Variants in NSUN7 observed in about 807,000 individuals in gnomAD.
The protein encoded by NSUN7 is NOP2/Sun RNA methyltransferase family member 7, also known as protein NSUN7.
Under a neutral mutation model 58.5 loss-of-function variants are expected in NSUN7, and 39 were observed. The ratio of observed to expected loss-of-function variants is 0.67; its 90% confidence interval spans 0.52 to 0.87. The LOEUF (loss-of-function observed/expected upper bound fraction) is 0.87, where lower values mean the gene tolerates loss of function less well. Ranked by LOEUF, NSUN7 falls within the 40% of genes least tolerant of loss-of-function variation. The pLI is 0.00. For synonymous variants in NSUN7, 278 were observed against 303.7 expected (o/e 0.92, Z 0.88); for missense variants, 765 against 844.1 (o/e 0.91, Z 1.16).
At chr4:40,764,513 T>C (rs1741617607) in intron 4 of NSUN7, among the ~76,000 whole-genome samples, 2 of 152,138 alleles carry the variant, frequency 1.3e-5, no homozygotes, top group Non-Finnish European at 2.9e-5. Context: ...AAGTCTTTGC[T>C]ATTGTGAATA....
chr4:40,782,131 A>G (rs929576733), intron 7 of NSUN7, among the ~76,000 whole-genome samples: 6 of 152,224 alleles, frequency 3.9e-5, no homozygotes, highest in Admixed American at 3.9e-4. Context: ...AAACGAATAT[A>G]TAAAAATCTA....
At chr4:40,804,304 G>T (rs1743726545) in intron 10 of NSUN7, among the ~76,000 whole-genome samples, 1 of 152,058 alleles carries the variant, frequency 6.6e-6, no homozygotes, top group Non-Finnish European at 1.5e-5. Context: ...GCCAGGCGTG[G>T]TGTCAGGCGC....
At chr4:40,778,486 T>A (rs1330481168) in intron 7 of NSUN7, among the ~76,000 whole-genome samples, 1 of 152,182 alleles carries the variant, frequency 6.6e-6, no homozygotes, top group Non-Finnish European at 1.5e-5. Flanking sequence ...TGAATGGGAT[T>A]AGTGCCGTTA....
At chr4:40,797,955 A>ACTGG (rs1324798997) in intron 9 of NSUN7, among the ~76,000 whole-genome samples, 1 of 152,146 alleles carries the variant, frequency 6.6e-6, no homozygotes, top group Non-Finnish European at 1.5e-5. Context: ...AGGCCTTTAC[A>ACTGG]CTGGCTGTTC....
intron 4 of NSUN7, among the ~76,000 whole-genome samples, chr4:40,770,346 A>G (rs537363145): frequency 6.6e-6 from 1 of 152,288 alleles, no homozygotes; most frequent in African/African-American, 2.4e-5. Context: ...AGATGGTATA[A>G]CCTACTGCAC....
At chr4:40,798,967 A>G in intron 10 of NSUN7, 63 bp downstream of exon 10, 1 of 776,432 alleles carries the variant, frequency 1.3e-6, no homozygotes, top group Non-Finnish European at 2.0e-6. Context: ...GAAAAATATT[A>G]TTTTCTAAGT....
intron 2 of NSUN7, among the ~76,000 whole-genome samples, chr4:40,757,598 GTATATATATACATTGTGTGTA>G (rs537151128): frequency 2.6e-4 from 37 of 142,038 alleles, no homozygotes; most frequent in South Asian, 2.4e-3. Context: ...CACATTGTGT[GTATATATATACATTGTGTGTA>G]TATATATATA....
chr4:40,768,459 G>T (rs1741843241), intron 4 of NSUN7, among the ~76,000 whole-genome samples: 2 of 152,062 alleles, frequency 1.3e-5, no homozygotes, highest in Admixed American at 1.3e-4. Flanking sequence ...TAGAATGCTG[G>T]GATTACAAGT....
chr4:40,781,954 T>C (rs1020749380), intron 7 of NSUN7, among the ~76,000 whole-genome samples: 16 of 152,034 alleles, frequency 1.1e-4, no homozygotes, highest in Admixed American at 9.8e-4. Context: ...ATCAGGAAAA[T>C]ATGACAGTAC....
intron 10 of NSUN7, among the ~76,000 whole-genome samples, chr4:40,806,562 T>C (rs1264652584): frequency 6.6e-6 from 1 of 152,230 alleles, no homozygotes; most frequent in Admixed American, 6.5e-5. Flanking sequence ...GTAACTCATC[T>C]ATTAATCCTC....
chr4:40,797,082 C>G (rs758788373), intron 9 of NSUN7, among the ~76,000 whole-genome samples: 1 of 152,222 alleles, frequency 6.6e-6, no homozygotes, highest in Non-Finnish European at 1.5e-5. Flanking sequence ...CAGAAGTGGT[C>G]GCTTCCTCTC....
chr4:40,751,050 G>A, intron 2 of NSUN7, 59 bp downstream of exon 2: 2 of 1,569,254 alleles, frequency 1.3e-6, no homozygotes, highest in Non-Finnish European at 1.7e-6. Flanking sequence ...AGAGAATTTG[G>A]GGAATGCAGC....
rs527675414 is a variant in NSUN7, at chr4:40,760,575, G to T, written c.357+83G>T. 50 of 1,178,034 alleles carry T rather than the reference G, an allele frequency of 4.2e-5. No homozygotes were observed. In the South Asian group the frequency reaches 6.4e-4, roughly 15 times the overall value. The allele number at this position is 1,178,034 out of a possible 1,614,324, so 73.0% of individuals were successfully genotyped here. The stretch of plus-strand genomic sequence containing the variant: ...GTTTAAAAGCCTTTAGATTTAAATA[G>T]TTTGAGGCCGGGCGCAGTGGCTCAC... On this transcript the variant is annotated intron_variant, in intron 3 of 11. Transcript: ENST00000381782.
intron 7 of NSUN7, among the ~76,000 whole-genome samples, chr4:40,785,474 C>T (rs181792684): frequency 1.3e-5 from 2 of 152,244 alleles, no homozygotes; most frequent in African/African-American, 4.8e-5. Flanking sequence ...ATTCTTCTGC[C>T]TCAGCCTCCC....
chr4:40,794,438 C>T lies in NSUN7; in HGVS notation c.1244C>T (p.Ala415Val). 3.1e-6 allele frequency: 5 copies of T among 1,612,318 alleles called. No individual in the cohort carries two copies. The highest frequency in any genetic ancestry group is 4.2e-6 in the Non-Finnish European group (5 of 1,178,678). Residue 415 changes from alanine to valine, a missense_variant, in exon 9 of 12, where the codon GCT (alanine) becomes GTT (valine). Ala to Val is a moderately conservative substitution (Grantham distance 64). Coordinates refer to ENST00000381782, the MANE Select transcript of NSUN7 (RefSeq NM_024677.6). ...GISVDKLHVL[A>V]QQQYEQLTHA... ...TCAGTGGACAAACTTCACGTTCTTG[C>T]TCAACAGCAGTATGAACAGCTAACA... is the stretch of plus-strand genomic sequence containing the variant.
At chr4:40,781,689 T>C (rs1742573885) in intron 7 of NSUN7, among the ~76,000 whole-genome samples, 1 of 152,204 alleles carries the variant, frequency 6.6e-6, no homozygotes, top group East Asian at 1.9e-4. Flanking sequence ...CAAGCAAGCC[T>C]TCTGTCTTGG....
intron 10 of NSUN7, among the ~76,000 whole-genome samples, chr4:40,802,895 T>C (rs1422033135): frequency 4.7e-5 from 7 of 150,402 alleles, no homozygotes; most frequent in Non-Finnish European, 8.9e-5. Flanking sequence ...CCCATTAACT[T>C]GTCATTTAGC....
chr4:40,760,401 T>G, intron 2 of NSUN7, 33 bp from the exon 3 acceptor site: 1 of 1,561,688 alleles, frequency 6.4e-7, no homozygotes. Context: ...CCGCTTTGTA[T>G]TTTCAGTAAC....
intron 7 of NSUN7, 52 bp from the exon 8 acceptor site, chr4:40,790,548 CAT>C (rs1560559930): frequency 1.7e-6 from 2 of 1,146,116 alleles, no homozygotes; most frequent in Non-Finnish European, 2.5e-6. Flanking sequence ...TCACATACTA[CAT>C]TAAGATTTTT....
Sources: gnomAD v4.1 joint callset for allele counts (sites outside exome capture counted in the v4.1 genomes callset) on GRCh38, gnomAD v4.1.1 for gene constraint, MANE v1.5 for transcripts, NCBI Gene and HGNC (gene_info 2026-07-23, HGNC 2026-07-21) for gene names.